LAMA4: variants seen among roughly 807,000 people sequenced by gnomAD.
LAMA4 encodes laminin subunit alpha-4.
In LAMA4, 127 loss-of-function variants were observed where a neutral mutation model predicts 207.1. The ratio of observed to expected loss-of-function variants is 0.61; its 90% confidence interval spans 0.53 to 0.71. The LOEUF (loss-of-function observed/expected upper bound fraction) is 0.71. Ranked by LOEUF, LAMA4 falls within the 30% of genes least tolerant of loss-of-function variation. LAMA4 has a pLI of 0.00. For synonymous variants in LAMA4, 761 were observed against 816.0 expected (o/e 0.93, Z 1.15); for missense variants, 2,093 against 2,246.5 (o/e 0.93, Z 1.38).
At chr6:112,148,902 A>T (rs1160684450) in intron 17 of LAMA4, among the ~76,000 whole-genome samples, 2 of 150,786 alleles carry the variant, frequency 1.3e-5, no homozygotes, top group Non-Finnish European at 3.0e-5. Context: ...ATTATTTATT[A>T]TTTTTATAAA....
intron 13 of LAMA4, among the ~76,000 whole-genome samples, chr6:112,163,425 C>G (rs1583766020): frequency 6.6e-6 from 1 of 152,210 alleles, no homozygotes; most frequent in East Asian, 1.9e-4. Flanking sequence ...AGAGGGTGTG[C>G]AGAGGCGAGG....
chr6:112,125,744 C>T (rs1778652362), intron 31 of LAMA4, among the ~76,000 whole-genome samples: 1 of 152,158 alleles, frequency 6.6e-6, no homozygotes, highest in Non-Finnish European at 1.5e-5. Context: ...CAAAGATTTA[C>T]CTACAAAGAT....
chr6:112,151,533 A>G (rs923519180), intron 16 of LAMA4, among the ~76,000 whole-genome samples: 4 of 152,156 alleles, frequency 2.6e-5, no homozygotes, highest in Non-Finnish European at 4.4e-5. Context: ...TATCATTTAT[A>G]TATAAATTCT....
At chr6:112,162,032 T>C (rs1271297973) in intron 13 of LAMA4, 4 of 152,192 alleles carry the variant, frequency 2.6e-5, no homozygotes, top group Admixed American at 6.5e-5. Context: ...TTTAAAGGAT[T>C]GTTCTGCTAC....
At chr6:112,224,148 G>C (rs1554361568) in intron 2 of LAMA4, among the ~76,000 whole-genome samples, 1 of 152,206 alleles carries the variant, frequency 6.6e-6, no homozygotes, top group Non-Finnish European at 1.5e-5. Flanking sequence ...GGGAGGCAAA[G>C]AGAACACTTA....
At chr6:112,183,521 G>C (rs114899260) in intron 9 of LAMA4, among the ~76,000 whole-genome samples, 1 of 152,172 alleles carries the variant, frequency 6.6e-6, no homozygotes, top group East Asian at 1.9e-4. Context: ...TCCTCTCCAC[G>C]AAAGCCTGCA....
chr6:112,151,449 A>G (rs989943499), intron 16 of LAMA4, among the ~76,000 whole-genome samples: 4 of 152,270 alleles, frequency 2.6e-5, no homozygotes, highest in South Asian at 2.1e-4. Flanking sequence ...ACTGAATTAA[A>G]TCTGTAGATG....
At chr6:112,206,908 G>A (rs1784087753) in intron 4 of LAMA4, 113 bp downstream of exon 4, 3 of 1,266,146 alleles carry the variant, frequency 2.4e-6, no homozygotes, top group Non-Finnish European at 3.4e-6. Context: ...TCAATATGAG[G>A]TTTTGCCTGT....
At chr6:112,211,156 A>G (rs1318444841) in intron 3 of LAMA4, among the ~76,000 whole-genome samples, 3 of 152,132 alleles carry the variant, frequency 2.0e-5, no homozygotes, top group East Asian at 3.9e-4. Flanking sequence ...TGCATTTCTA[A>G]CAAGCTCCCA....
intron 2 of LAMA4, among the ~76,000 whole-genome samples, chr6:112,237,530 T>C: frequency 6.6e-6 from 1 of 152,186 alleles, no homozygotes; most frequent in Admixed American, 6.5e-5. Context: ...CTGCTGTGAT[T>C]GAAGGAGGTA....
At chr6:112,219,220 G>A (rs1239779730) in intron 2 of LAMA4, 1 of 152,136 alleles carries the variant, frequency 6.6e-6, no homozygotes, top group Non-Finnish European at 1.5e-5. Flanking sequence ...AAAGTAGAAC[G>A]ATGTATTTTT....
intron 2 of LAMA4, among the ~76,000 whole-genome samples, chr6:112,247,832 C>T (rs541956723): frequency 3.9e-5 from 6 of 152,104 alleles, no homozygotes; most frequent in Admixed American, 6.6e-5. Flanking sequence ...AAGGTAGAAA[C>T]GACCCAAATG....
intron 2 of LAMA4, among the ~76,000 whole-genome samples, chr6:112,251,867 G>C (rs1787485354): frequency 6.6e-6 from 1 of 152,136 alleles, no homozygotes; most frequent in South Asian, 2.1e-4. Context: ...AAAACTGAAG[G>C]CCTCCACTGG....
intron 9 of LAMA4, among the ~76,000 whole-genome samples, chr6:112,184,532 C>T (rs1554346119): frequency 6.6e-6 from 1 of 151,960 alleles, no homozygotes. Context: ...GTATTTTTCT[C>T]AATATTTTTC....
intron 2 of LAMA4, among the ~76,000 whole-genome samples, chr6:112,228,221 G>C (rs986683605): frequency 2.0e-5 from 3 of 152,162 alleles, no homozygotes; most frequent in Non-Finnish European, 4.4e-5. Context: ...GTTGAAATGG[G>C]GGAACCAGGA....
At chr6:112,189,009 C>T (rs1782855582) in intron 7 of LAMA4, 101 bp downstream of exon 7, 2 of 855,186 alleles carry the variant, frequency 2.3e-6, no homozygotes, top group Admixed American at 4.0e-5. Context: ...GGGTGGGACT[C>T]AGCAGTTTCT....
intron 5 of LAMA4, among the ~76,000 whole-genome samples, chr6:112,193,189 A>G (rs1440417675): frequency 6.6e-6 from 1 of 152,104 alleles, no homozygotes; most frequent in African/African-American, 2.4e-5. Flanking sequence ...TGAGAGGGAA[A>G]AAGAAAGAGA....
chr6:112,163,429 G>A (rs1554338978), intron 13 of LAMA4, among the ~76,000 whole-genome samples: 1 of 152,148 alleles, frequency 6.6e-6, no homozygotes, highest in Non-Finnish European at 1.5e-5. Flanking sequence ...GGTGTGCAGA[G>A]GCGAGGCTAG....
intron 3 of LAMA4, among the ~76,000 whole-genome samples, chr6:112,210,389 G>T (rs1303046513): frequency 6.6e-6 from 1 of 152,110 alleles, no homozygotes; most frequent in Non-Finnish European, 1.5e-5. Flanking sequence ...AATGAAATTA[G>T]CATTCTGAAC....
Sources: allele counts gnomAD v4.1 joint callset (sites outside exome capture counted in the v4.1 genomes callset), GRCh38; gene constraint gnomAD v4.1.1; transcripts MANE v1.5; gene names NCBI Gene and HGNC (gene_info 2026-07-23, HGNC 2026-07-21).